NSD3: variants seen among roughly 807,000 people sequenced by gnomAD.
NSD3 encodes histone-lysine N-methyltransferase NSD3.
NSD3 carries 24 observed loss-of-function variants against 160.8 expected under a neutral mutation model. The observed-to-expected ratio is 0.15, with a 90% CI of 0.11 to 0.21. NSD3 has a LOEUF of 0.21. Among genes scored for constraint, NSD3 ranks in the 10% least tolerant of loss-of-function variants. The pLI, the probability that NSD3 is intolerant of heterozygous loss-of-function variation, is 1.00. For missense variants in NSD3, 1,157 were observed against 1,735.9 expected (o/e 0.67, Z 5.93); for synonymous variants, 520 against 600.0 (o/e 0.87, Z 1.95).
chr8:38,320,822 AG>A (rs1340588786), intron 8 of NSD3: 1 of 329,104 alleles, frequency 3.0e-6, no homozygotes, highest in African/African-American at 2.1e-5. Flanking sequence ...ATAAATGTGA[AG>A]GATTTTTTAA....
chr8:38,378,269 G>T (rs1273129969), intron 1 of NSD3, among the ~76,000 whole-genome samples: 4 of 152,128 alleles, frequency 2.6e-5, no homozygotes, highest in South Asian at 2.1e-4. Context: ...ACTTTGGGAG[G>T]CCAAGGTGGG....
chr8:38,341,547 AAAAAAG>A (rs1301489152), intron 2 of NSD3, among the ~76,000 whole-genome samples: 1 of 152,118 alleles, frequency 6.6e-6, no homozygotes, highest in Admixed American at 6.6e-5. Flanking sequence ...CAAAAAAAAA[AAAAAAG>A]AAAAATTACA....
chr8:38,283,994 T>C (rs1345720199), intron 19 of NSD3, among the ~76,000 whole-genome samples: 1 of 152,098 alleles, frequency 6.6e-6, no homozygotes, highest in Non-Finnish European at 1.5e-5. Context: ...TCCCCACTAC[T>C]CAGGATGCTG....
intron 16 of NSD3, among the ~76,000 whole-genome samples, chr8:38,291,671 C>T (rs1270650054): frequency 1.3e-5 from 2 of 152,134 alleles, no homozygotes; most frequent in Non-Finnish European, 2.9e-5. Flanking sequence ...GTGATTGATA[C>T]TTGGTTCGTT....
At chr8:38,282,489 G>T (rs929267546) in intron 19 of NSD3, among the ~76,000 whole-genome samples, 1 of 152,184 alleles carries the variant, frequency 6.6e-6, no homozygotes, top group Admixed American at 6.5e-5. Flanking sequence ...TGGCCAACAT[G>T]GTGAAACACT....
In NSD3 at chr8:38,319,630, A is replaced by C. The variant is rs1228052229; in HGVS notation, c.1810-690T>G. The C allele has an allele frequency of 6.6e-6, 1 of 152,172 alleles. No homozygotes were observed. The highest frequency in any genetic ancestry group is 2.4e-5 in the African/African-American group (1 of 41,442). 9.4% of individuals were successfully genotyped at this position (152,172 alleles called of 1,614,324 possible). A position where few individuals can be genotyped will look rare whatever the true frequency, so the allele number is the denominator to read the frequency against. On this transcript the variant is annotated intron_variant, in intron 8 of 23. Coordinates refer to ENST00000317025, the MANE Select transcript of NSD3 (RefSeq NM_023034.2). The surrounding 1 kb of genome is among the most constrained non-coding windows in gnomAD (Gnocchi z 4.1). The stretch of plus-strand genomic sequence containing the variant: ...GGTAATTTGAGGATTGAACCATTGG[A>C]ATTAGAGAAAGGAGGCTGTTTGGAG...
At chr8:38,304,466 T>C in intron 14 of NSD3, 121 bp downstream of exon 14, 1 of 896,940 alleles carries the variant, frequency 1.1e-6, no homozygotes, top group Non-Finnish European at 1.6e-6. Flanking sequence ...AGTGGAATTC[T>C]GCACTGGGTA....
intron 7 of NSD3, among the ~76,000 whole-genome samples, chr8:38,324,596 A>T (rs887532844): frequency 2.0e-4 from 30 of 152,168 alleles, no homozygotes; most frequent in Admixed American, 1.2e-3. Context: ...ATATGATAAG[A>T]AACATATATT....
In NSD3 at chr8:38,329,282, G is replaced by C. The variant is rs957230203; in HGVS notation, c.1581+96C>G. On this transcript the variant is annotated intron_variant, in intron 6 of 23. Coordinates refer to ENST00000317025, the MANE Select transcript of NSD3 (RefSeq NM_023034.2). This position sits in a 1 kb window ranked among gnomAD's most constrained non-coding sequence, Gnocchi z 4.8. ...TGTTTCAAATTCAGTGGGTAGAAAGGGTATTTAAATTATGCCAAGGTCATT... is the reference window on the plus strand; with the variant it reads ...TGTTTCAAATTCAGTGGGTAGAAAGCGTATTTAAATTATGCCAAGGTCATT... The C allele has an allele frequency of 3.6e-6, 5 of 1,378,996 alleles. No homozygotes were observed. The highest frequency in any genetic ancestry group is 4.9e-6 in the Non-Finnish European group (5 of 1,016,328). 85.4% of individuals were successfully genotyped at this position (1,378,996 alleles called of 1,614,324 possible).
At chr8:38,341,403 T>C (rs1810362704) in intron 2 of NSD3, among the ~76,000 whole-genome samples, 1 of 151,976 alleles carries the variant, frequency 6.6e-6, no homozygotes, top group South Asian at 2.1e-4. Context: ...CCAGGCACTG[T>C]GGTGGGTGCC....
Position 38,273,427 on chromosome 8 carries a change from A to G in NSD3, c.*2214T>C, listed in dbSNP as rs1296967443. 4 of 152,230 alleles carry G rather than the reference A, an allele frequency of 2.6e-5. No homozygotes were observed. The highest frequency in any genetic ancestry group is 1.3e-4 in the Admixed American group (2 of 15,280). 9.4% of individuals were successfully genotyped at this position (152,230 alleles called of 1,614,324 possible). On this transcript the variant is annotated 3_prime_UTR_variant, in exon 24 of 24. Coordinates refer to ENST00000317025, the MANE Select transcript of NSD3 (RefSeq NM_023034.2). ...TGACACAATGAAGAAGCTGCATAAA[A>G]ATACTGAAACCTAAGGTATCTGTAG...
chr8:38,298,537 T>C (rs1215344924), intron 15 of NSD3, among the ~76,000 whole-genome samples: 1 of 151,816 alleles, frequency 6.6e-6, no homozygotes, highest in Non-Finnish European at 1.5e-5. Context: ...CTACTGTGTG[T>C]GTGTGTGTGT....
At chr8:38,375,034 T>TA (rs1206390485) in intron 1 of NSD3, among the ~76,000 whole-genome samples, 9 of 152,120 alleles carry the variant, frequency 5.9e-5, no homozygotes, top group African/African-American at 2.2e-4. Flanking sequence ...AATAAATAAA[T>TA]AATAATTCTT....
chr8:38,323,605 C>A (rs1466306114), intron 7 of NSD3, among the ~76,000 whole-genome samples: 1 of 151,822 alleles, frequency 6.6e-6, no homozygotes, highest in Non-Finnish European at 1.5e-5. Flanking sequence ...ATCGTTTGAG[C>A]CCAGGAGTTC....
At chr8:38,309,719 C>T (rs1020292568) in intron 12 of NSD3, among the ~76,000 whole-genome samples, 1 of 152,192 alleles carries the variant, frequency 6.6e-6, no homozygotes, top group Non-Finnish European at 1.5e-5. Context: ...GTAAAACTAT[C>T]TGTTACAGAA....
At chr8:38,303,103 T>A (rs535619340) in intron 14 of NSD3, 303 of 407,228 alleles carry the variant, frequency 7.4e-4, no homozygotes, top group Middle Eastern at 2.6e-3. Context: ...GCTTATACAC[T>A]GACAGGAAAT....
At chr8:38,313,632 C>T (rs1306514805) in intron 12 of NSD3, among the ~76,000 whole-genome samples, 2 of 151,558 alleles carry the variant, frequency 1.3e-5, no homozygotes, top group Non-Finnish European at 2.9e-5. Context: ...ACTAAAAATA[C>T]AAAAAATTAG....
chr8:38,370,347 C>G (rs1399035006), intron 1 of NSD3, among the ~76,000 whole-genome samples: 1 of 150,810 alleles, frequency 6.6e-6, no homozygotes, highest in East Asian at 1.9e-4. Flanking sequence ...ACACAATACT[C>G]TCTCAATAAA....
intron 12 of NSD3, 27 bp downstream of exon 12, chr8:38,314,620 C>G: frequency 6.2e-7 from 1 of 1,613,712 alleles, no homozygotes; most frequent in South Asian, 1.1e-5. Flanking sequence ...TTCATCTTTT[C>G]ATGACTATCG....
Sources: allele counts gnomAD v4.1 joint callset (sites outside exome capture counted in the v4.1 genomes callset), GRCh38; gene constraint gnomAD v4.1.1; non-coding constraint Gnocchi (gnomAD v3.1); transcripts MANE v1.5; gene names NCBI Gene and HGNC (gene_info 2026-07-23, HGNC 2026-07-21).